ACOXL: variants seen among roughly 807,000 people sequenced by gnomAD.
The protein encoded by ACOXL is acyl-coenzyme A oxidase-like protein.
Under a neutral mutation model 71.9 loss-of-function variants are expected in ACOXL, and 70 were observed. The ratio of observed to expected loss-of-function variants is 0.97; its 90% CI spans 0.80 to 1.19. The LOEUF (loss-of-function observed/expected upper bound fraction) is 1.19. ACOXL is among the 50% of genes most tolerant of loss of function. The probability of loss-of-function intolerance (pLI) is 0.00; values close to 1 mark genes in which losing one functional copy is unlikely to be tolerated. For missense variants in ACOXL, 703 were observed against 736.3 expected (o/e 0.95, Z 0.52); for synonymous variants, 253 against 281.6 (o/e 0.90, Z 1.02).
chr2:111,029,859 T>G (rs2065185004), intron 14 of ACOXL, among the ~76,000 whole-genome samples: 1 of 149,048 alleles, frequency 6.7e-6, no homozygotes, highest in African/African-American at 2.4e-5. Context: ...CTTGTTGTGG[T>G]TTTTTTTCCT....
intron 16 of ACOXL, among the ~76,000 whole-genome samples, chr2:111,067,300 A>G (rs766662010): frequency 6.6e-6 from 1 of 152,204 alleles, no homozygotes; most frequent in Non-Finnish European, 1.5e-5. Context: ...CTAAGAAATA[A>G]TGATAATGGA....
At position 110,908,817 on chromosome 2, in the gene ACOXL, G is replaced by A; in HGVS notation, c.817G>A (p.Glu273Lys). The A allele has an allele frequency of 6.2e-7, 1 of 1,614,138 alleles. No homozygotes were observed. Among genetic ancestry groups the A allele is most frequent in the Admixed American group, 1.7e-5 (1 of 60,024 alleles). Residue 273 changes from glutamate to lysine, a missense_variant, in exon 11 of 18, where the codon GAA (glutamate) becomes AAA (lysine). By Grantham distance (56) the Glu-to-Lys change is moderately conservative (BLOSUM62 1). Coordinates refer to ENST00000439055, the MANE Select transcript of ACOXL (RefSeq NM_001142807.4). ...GAGGCAGTTTGGGCCCAAAACCAAG[G>A]AAGAGGTGAAGATCATTGAGCACCA... Reference protein sequence around the residue: ...SRRQFGPKTKEEVKIIEHQTQ... With the variant: ...SRRQFGPKTKKEVKIIEHQTQ...
chr2:110,775,030 A>G lies in ACOXL; in HGVS notation c.75+6566A>G, dbSNP rs531795784. On this transcript the variant is annotated intron_variant, in intron 2 of 17. Transcript: ENST00000439055. Reference sequence around the variant, plus strand: ...AAATAAAACCTCACATAGGTGGTCAATGATTTCTGGCAAGGGTGCCAAGAC... The same window carrying G: ...AAATAAAACCTCACATAGGTGGTCAGTGATTTCTGGCAAGGGTGCCAAGAC... 1.6e-4 allele frequency among the ~76,000 whole-genome samples: 25 copies of G among 152,376 alleles called. No homozygotes were observed. In the South Asian group the frequency reaches 1.7e-3, roughly 10 times the overall value.
chr2:110,964,257 A>G (rs946005964), intron 12 of ACOXL, among the ~76,000 whole-genome samples: 19 of 152,196 alleles, frequency 1.2e-4, no homozygotes, highest in African/African-American at 4.1e-4. Context: ...TTAAGGCACA[A>G]ACATTTTCAC....
Position 110,936,077 on chromosome 2 carries a change from G to A in ACOXL, c.1059+2435G>A, listed in dbSNP as rs565099420. 4.6e-5 allele frequency among the ~76,000 whole-genome samples: 7 copies of A among 152,106 alleles called. 1 individual carries two copies. The South Asian group carries it at 1.0e-3, about 23-fold the overall frequency. ...CCACTTACCTCTTGCTGTGTGGCCCGGTTCCTAATAGGCCATGGTCTGGTA... is the reference window on the plus strand; with the variant it reads ...CCACTTACCTCTTGCTGTGTGGCCCAGTTCCTAATAGGCCATGGTCTGGTA... On this transcript the variant is annotated intron_variant, in intron 12 of 17. Coordinates refer to ENST00000439055, the MANE Select transcript of ACOXL (RefSeq NM_001142807.4).
At chr2:110,892,786 G>A (rs922959063) in intron 10 of ACOXL, among the ~76,000 whole-genome samples, 2 of 152,182 alleles carry the variant, frequency 1.3e-5, no homozygotes, top group Non-Finnish European at 2.9e-5. Flanking sequence ...GTGGGAGAGA[G>A]GTTAAAGCAA....
intron 1 of ACOXL, among the ~76,000 whole-genome samples, chr2:110,735,166 A>G (rs960516601): frequency 1.3e-5 from 2 of 152,224 alleles, no homozygotes; most frequent in South Asian, 4.1e-4. Flanking sequence ...AAAGATTCTG[A>G]TATCTATCTA....
At chr2:111,078,574 A>G (rs1311810450) in intron 16 of ACOXL, among the ~76,000 whole-genome samples, 4 of 152,028 alleles carry the variant, frequency 2.6e-5, no homozygotes, top group African/African-American at 4.8e-5. Flanking sequence ...TGTATTTTCT[A>G]TTTCTTTACT....
At chr2:110,808,915 G>C (rs1262791241) in intron 9 of ACOXL, among the ~76,000 whole-genome samples, 2 of 152,216 alleles carry the variant, frequency 1.3e-5, no homozygotes, top group African/African-American at 4.8e-5. Flanking sequence ...ATCCACTGCT[G>C]TGTGTTCAGC....
chr2:110,741,550 C>T (rs576240147), intron 1 of ACOXL, among the ~76,000 whole-genome samples: 3 of 152,172 alleles, frequency 2.0e-5, no homozygotes, highest in African/African-American at 4.8e-5. Flanking sequence ...CACGTGCACC[C>T]GCGTGTTTGT....
chr2:110,880,982 C>A (rs927597556), intron 10 of ACOXL, among the ~76,000 whole-genome samples: 3 of 152,156 alleles, frequency 2.0e-5, no homozygotes, highest in East Asian at 1.9e-4. Context: ...TGGGACTACA[C>A]AAATATCTCC....
intron 9 of ACOXL, among the ~76,000 whole-genome samples, chr2:110,819,923 C>T (rs957963231): frequency 6.6e-6 from 1 of 152,176 alleles, no homozygotes; most frequent in African/African-American, 2.4e-5. Flanking sequence ...AATTACTTAA[C>T]CTCTCCAGGG....
intron 14 of ACOXL, among the ~76,000 whole-genome samples, chr2:110,997,444 G>GA (rs1021987440): frequency 6.6e-6 from 1 of 152,098 alleles, no homozygotes; most frequent in African/African-American, 2.4e-5. Context: ...CTCAAAAACA[G>GA]AAAAAATTAG....
At chr2:110,743,386 CT>C (rs1345791379) in intron 1 of ACOXL, among the ~76,000 whole-genome samples, 4 of 152,206 alleles carry the variant, frequency 2.6e-5, no homozygotes, top group African/African-American at 7.2e-5. Context: ...GGGGCTGAGC[CT>C]TTTGGCTACC....
chr2:110,775,324 T>C (rs1682504941), intron 2 of ACOXL, among the ~76,000 whole-genome samples: 1 of 152,160 alleles, frequency 6.6e-6, no homozygotes, highest in African/African-American at 2.4e-5. Flanking sequence ...ATTTTTGGAA[T>C]AAAAATGATC....
intron 2 of ACOXL, among the ~76,000 whole-genome samples, chr2:110,775,436 A>G (rs1371828001): frequency 6.6e-6 from 1 of 152,222 alleles, no homozygotes; most frequent in African/African-American, 2.4e-5. Flanking sequence ...AAGGGACACT[A>G]TCAACAGAGT....
At chr2:110,923,183 G>A (rs2060141618) in intron 11 of ACOXL, among the ~76,000 whole-genome samples, 2 of 152,116 alleles carry the variant, frequency 1.3e-5, no homozygotes, top group South Asian at 4.2e-4. Context: ...CAACGTTCTG[G>A]TTTTCTAGTT....
chr2:110,912,988 C>G (rs2059700770), intron 11 of ACOXL, among the ~76,000 whole-genome samples: 1 of 151,920 alleles, frequency 6.6e-6, no homozygotes, highest in Admixed American at 6.6e-5. Flanking sequence ...TACAAATAAC[C>G]AATAAGCACA....
chr2:110,846,794 G>GT (rs1389649894), intron 10 of ACOXL, among the ~76,000 whole-genome samples: 1 of 151,744 alleles, frequency 6.6e-6, no homozygotes, highest in Non-Finnish European at 1.5e-5. Flanking sequence ...TGTTGGGGGG[G>GT]GTGTATGTGT....
Sources: allele counts gnomAD v4.1 joint callset (sites outside exome capture counted in the v4.1 genomes callset), GRCh38; gene constraint gnomAD v4.1.1; transcripts MANE v1.5; gene names NCBI Gene and HGNC (gene_info 2026-07-23, HGNC 2026-07-21).